Variants in DYNLT2 observed in about 807,000 individuals in gnomAD.
The protein encoded by DYNLT2 is dynein light chain Tctex-type 2.
Under a neutral mutation model 24.3 loss-of-function variants are expected in DYNLT2, and 24 were observed. That is an observed-to-expected ratio of 0.99 (90% CI 0.71 to 1.39). The LOEUF is 1.39. Among genes scored for constraint, DYNLT2 ranks in the 40% most tolerant of loss-of-function variants. DYNLT2 has a pLI of 0.00. For synonymous variants in DYNLT2, 85 were observed against 85.4 expected, an observed-to-expected ratio of 1.00 and a Z score of 0.03; for missense variants, 246 against 234.5, an observed-to-expected ratio of 1.05 and a Z score of -0.32.
At chr6:169,741,923 C>A (rs553421522) in intron 3 of DYNLT2, among the ~76,000 whole-genome samples, 1 of 152,122 alleles carries the variant, frequency 6.6e-6, no homozygotes, top group East Asian at 1.9e-4. Flanking sequence ...GGAGCCAGGA[C>A]GGTTCTTTCT....
intron 1 of DYNLT2, among the ~76,000 whole-genome samples, chr6:169,745,045 A>G (rs973417266): frequency 5.3e-5 from 8 of 152,036 alleles, no homozygotes; most frequent in Admixed American, 3.9e-4. Context: ...ATTACAGGAA[A>G]AGCTTTCAGT....
intron 2 of DYNLT2, among the ~76,000 whole-genome samples, chr6:169,743,801 T>C (rs1159796793): frequency 6.6e-6 from 1 of 152,166 alleles, no homozygotes; most frequent in African/African-American, 2.4e-5. Flanking sequence ...ATTAATAAAT[T>C]AATGTATAGC....
At chr6:169,740,383 T>C in intron 3 of DYNLT2, 88 bp from the exon 4 acceptor site, 1 of 758,294 alleles carries the variant, frequency 1.3e-6, no homozygotes, top group Non-Finnish European at 2.3e-6. Context: ...TAAAAATGAA[T>C]GCATCAGTAT....
chr6:169,744,419 A>C, intron 1 of DYNLT2, 145 bp from the exon 2 acceptor site: 2 of 701,408 alleles, frequency 2.9e-6, no homozygotes, highest in Non-Finnish European at 2.3e-6. Context: ...TTCTACAATA[A>C]TGTGGTTGCT....
the DYNLT2 span, among the ~76,000 whole-genome samples, chr6:169,731,311 A>G: frequency 6.6e-6 from 1 of 152,206 alleles, no homozygotes; most frequent in Non-Finnish European, 1.5e-5. Context: ...CCTTAAGAGT[A>G]GGCAGAAGAA....
downstream of DYNLT2, among the ~76,000 whole-genome samples, chr6:169,736,309 CAT>C (rs1789562173): frequency 9.9e-5 from 15 of 152,196 alleles, no homozygotes; most frequent in South Asian, 3.1e-3. Context: ...GCATTCAGCC[CAT>C]TTACATTTAA....
intron 1 of DYNLT2, chr6:169,749,903 C>G (rs1789917598): frequency 6.6e-6 from 1 of 152,156 alleles, no homozygotes; most frequent in South Asian, 2.1e-4. Flanking sequence ...TAACAGCTAC[C>G]TTAAATTAGA....
chr6:169,743,361 A>C, intron 2 of DYNLT2, 123 bp from the exon 3 acceptor site: 1 of 411,098 alleles, frequency 2.4e-6, no homozygotes, highest in Non-Finnish European at 3.9e-6. Context: ...TATATTCCTA[A>C]CTAAATAATA....
At chr6:169,734,956 C>T in the DYNLT2 span, among the ~76,000 whole-genome samples, 1 of 152,260 alleles carries the variant, frequency 6.6e-6, no homozygotes, top group East Asian at 1.9e-4. Flanking sequence ...ATTACTGCCT[C>T]AGTTTCAGAG....
At chr6:169,726,865 G>T in the DYNLT2 span, among the ~76,000 whole-genome samples, 5 of 152,108 alleles carry the variant, frequency 3.3e-5, no homozygotes, top group African/African-American at 1.2e-4. Flanking sequence ...TTAGGCCCTG[G>T]AAATACTGAT....
At chr6:169,746,930 G>A (rs1342716608) in intron 1 of DYNLT2, among the ~76,000 whole-genome samples, 2 of 149,140 alleles carry the variant, frequency 1.3e-5, no homozygotes, top group Non-Finnish European at 3.0e-5. Context: ...TGAGGTCACA[G>A]AGCAAACTGC....
the DYNLT2 span, chr6:169,725,116 C>G: frequency 2.5e-6 from 1 of 398,556 alleles, no homozygotes; most frequent in African/African-American, 2.1e-5. Flanking sequence ...TATTACTGAT[C>G]TCGGGCTGCA....
chr6:169,740,753 A>C (rs551066848), intron 3 of DYNLT2, among the ~76,000 whole-genome samples: 1 of 152,030 alleles, frequency 6.6e-6, no homozygotes, highest in East Asian at 1.9e-4. Flanking sequence ...CTGTGTACAA[A>C]CCCATATGTG....
In DYNLT2 at chr6:169,748,088, T is replaced by C. The variant is rs114354091; in HGVS notation, c.120+3251A>G. ...TTTTCCACTTTTTCTGGTGGGAACA[T>C]GTCCAAGGATTTTTTTTCTGTTCCT... On this transcript the variant is annotated intron_variant, in intron 1 of 3. Transcript: ENST00000366774. Among the ~76,000 whole-genome samples the C allele has an allele frequency of 7.4e-3, 1,123 of 152,320 alleles. 14 individuals carry two copies. Among genetic ancestry groups the C allele is most frequent in the African/African-American group, 0.025 (1,035 of 41,574 alleles).
Position 169,740,192 on chromosome 6 carries a change from T to C in DYNLT2, c.590A>G (p.Tyr197Cys), listed in dbSNP as rs199858494. ...VALVLVFALY[Y>C]E ...CTTAGTACCTGTAATGAGCTATTCA[T>C]AATAAAGGGCAAACACCAAGACCAG... The change falls in exon 4 of 4, where the codon TAT becomes TGT. Residue 197 changes from tyrosine (Y) to cysteine (C), a missense_variant. By Grantham distance (194) the Tyr-to-Cys change is radical (BLOSUM62 -2). Coordinates refer to ENST00000366774, the MANE Select transcript of DYNLT2 (RefSeq NM_174910.3). 116 of 1,610,664 alleles carry C rather than the reference T, an allele frequency of 7.2e-5. No homozygotes were observed. In the East Asian group the frequency reaches 2.5e-3, roughly 34 times the overall value.
At chr6:169,735,532 C>T (rs1162460149), downstream of DYNLT2, among the ~76,000 whole-genome samples, 3 of 152,088 alleles carry the variant, frequency 2.0e-5, no homozygotes, top group Non-Finnish European at 4.4e-5. Flanking sequence ...GCCTTAGTTT[C>T]ATTATTTACC....
At chr6:169,735,794 T>C (rs1224540426), downstream of DYNLT2, among the ~76,000 whole-genome samples, 4 of 152,232 alleles carry the variant, frequency 2.6e-5, no homozygotes, top group Admixed American at 2.6e-4. Context: ...AGACGTCTAC[T>C]AGGTCCACTT....
At chr6:169,743,038 T>G in intron 3 of DYNLT2, 42 bp downstream of exon 3, 1 of 1,419,334 alleles carries the variant, frequency 7.0e-7, no homozygotes, top group Non-Finnish European at 9.4e-7. Context: ...GGAGATGCCT[T>G]ATAGTTCTAA....
chr6:169,730,375 T>C, the DYNLT2 span, among the ~76,000 whole-genome samples: 1 of 152,172 alleles, frequency 6.6e-6, no homozygotes, highest in Admixed American at 6.5e-5. Context: ...TATATTCAGA[T>C]AGCATACATT....
Sources: gnomAD v4.1 joint callset for allele counts (sites outside exome capture counted in the v4.1 genomes callset) on GRCh38, gnomAD v4.1.1 for gene constraint, MANE v1.5 for transcripts, NCBI Gene and HGNC (gene_info 2026-07-23, HGNC 2026-07-21) for gene names.